The following ADAMTS5 variants were observed in gnomAD, a reference collection of about 807,000 sequenced individuals.
ADAMTS5 encodes ADAM metallopeptidase with thrombospondin type 1 motif 5, also known as A disintegrin and metalloproteinase with thrombospondin motifs 5.
A neutral mutation model predicts 81.4 loss-of-function variants in ADAMTS5; 54 were observed. The observed-to-expected ratio is 0.66, with a 90% CI of 0.53 to 0.83. The LOEUF (loss-of-function observed/expected upper bound fraction) is 0.83, where lower values mean the gene tolerates loss of function less well. ADAMTS5 is among the 40% of genes least tolerant of loss of function. The pLI is 0.00. For synonymous variants in ADAMTS5, 532 were observed against 508.8 expected (o/e 1.05, Z -0.61); for missense variants, 1,194 against 1,229.9 (o/e 0.97, Z 0.44).
At chr21:26,940,481 C>G (rs1326346413) in intron 3 of ADAMTS5, among the ~76,000 whole-genome samples, 1 of 152,144 alleles carries the variant, frequency 6.6e-6, no homozygotes, top group Non-Finnish European at 1.5e-5. Flanking sequence ...CTGTGCCTTT[C>G]ATGTTTTCAG....
chr21:26,952,424 T>C (rs928544218), intron 2 of ADAMTS5, among the ~76,000 whole-genome samples: 3 of 152,248 alleles, frequency 2.0e-5, no homozygotes, highest in Admixed American at 6.5e-5. Context: ...CTCAGACTGC[T>C]GCATCAGCCT....
chr21:26,947,402 A>T (rs1218017747), intron 2 of ADAMTS5, among the ~76,000 whole-genome samples: 1 of 152,060 alleles, frequency 6.6e-6, no homozygotes, highest in African/African-American at 2.4e-5. Flanking sequence ...TGCCTACCTC[A>T]GAACTATATT....
chr21:26,924,656 G>A, intron 7 of ADAMTS5, 36 bp from the exon 8 acceptor site: 1 of 1,518,802 alleles, frequency 6.6e-7, no homozygotes, highest in Non-Finnish European at 8.9e-7. Context: ...GTGGGGGAAG[G>A]TGGTTAAAAA....
intron 1 of ADAMTS5, among the ~76,000 whole-genome samples, chr21:26,955,378 C>G (rs1222340275): frequency 6.6e-6 from 1 of 152,138 alleles, no homozygotes; most frequent in Non-Finnish European, 1.5e-5. Flanking sequence ...ATCTTTTACT[C>G]CCCAAATGAG....
intron 3 of ADAMTS5, among the ~76,000 whole-genome samples, chr21:26,935,297 C>T (rs1986993611): frequency 6.6e-6 from 1 of 152,108 alleles, no homozygotes; most frequent in African/African-American, 2.4e-5. Flanking sequence ...TTCATTCTTA[C>T]AGTCACTCGA....
chr21:26,951,126 G>T (rs1025754352), intron 2 of ADAMTS5, among the ~76,000 whole-genome samples: 3 of 152,234 alleles, frequency 2.0e-5, no homozygotes, highest in South Asian at 4.1e-4. Context: ...GCACAAAATA[G>T]ATATGACTTT....
In ADAMTS5 at chr21:26,922,022, C is replaced by T. The variant is rs746192404; in HGVS notation, c.*2031G>A. 20 of 152,050 alleles carry T rather than the reference C, an allele frequency of 1.3e-4. No homozygotes were observed. The highest frequency in any genetic ancestry group is 3.6e-4 in the African/African-American group (15 of 41,428). The allele number at this position is 152,050 out of a possible 1,614,324, so 9.4% of individuals were successfully genotyped here. A position where few individuals can be genotyped will look rare whatever the true frequency, so the allele number is the denominator to read the frequency against. Reference sequence around the variant, plus strand: ...GAAAAAAGTAACATTAACCTCTCTCCTAATTCTCTTTGCACAGACAAATGG... The same window carrying T: ...GAAAAAAGTAACATTAACCTCTCTCTTAATTCTCTTTGCACAGACAAATGG... On this transcript the variant is annotated 3_prime_UTR_variant, in exon 8 of 8. Transcript: ENST00000284987.
rs887847091 is a variant in ADAMTS5 at position 26,954,966 on chromosome 21, A to T, written c.1105-95T>A. 17 of 1,455,038 alleles carry T rather than the reference A, an allele frequency of 1.2e-5. No individual in the cohort carries two copies. In the East Asian group the frequency reaches 3.8e-4, roughly 32 times the overall value. The allele number at this position is 1,455,038 out of a possible 1,614,324, so 90.1% of individuals were successfully genotyped here. ...TTGCTTACCCCAAATGGCAACAGGG[A>T]TATGTTTATGGTATCACCTGTTCCT... On this transcript the variant is annotated intron_variant, in intron 1 of 7. Coordinates refer to ENST00000284987, the MANE Select transcript of ADAMTS5 (RefSeq NM_007038.5).
In ADAMTS5 at chr21:26,965,909, C is replaced by A. The variant is rs1987646717; in HGVS notation, c.483G>T (p.Ala161=). 1.2e-6 allele frequency: 2 copies of A among 1,613,886 alleles called. No individual in the cohort carries two copies. Among genetic ancestry groups the A allele is most frequent in the Non-Finnish European group, 1.7e-6 (2 of 1,179,952 alleles). ...GCAGCAGTGGCTTTAGGGTGTAGCG[C>A]GCGTGCTTGACCGCGAAGAAGCCGT... ...GLDGFFAVKH[A]RYTLKPLLRG... The change falls in exon 1 of 8, where the codon GCG becomes GCT. Residue 161 remains alanine, a synonymous_variant. Transcript: ENST00000284987.
At chr21:26,942,339 A>G (rs1987130544) in intron 3 of ADAMTS5, among the ~76,000 whole-genome samples, 1 of 152,176 alleles carries the variant, frequency 6.6e-6, no homozygotes, top group African/African-American at 2.4e-5. Context: ...GAACTGGGAA[A>G]AAGACGGTTG....
At chr21:26,938,410 C>G (rs531084303) in intron 3 of ADAMTS5, among the ~76,000 whole-genome samples, 1 of 152,248 alleles carries the variant, frequency 6.6e-6, no homozygotes, top group African/African-American at 2.4e-5. Context: ...CAGAATTCCA[C>G]TAAAGGTGTT....
intron 7 of ADAMTS5, among the ~76,000 whole-genome samples, chr21:26,926,795 G>A (rs1290590622): frequency 1.3e-5 from 2 of 152,048 alleles, no homozygotes; most frequent in East Asian, 1.9e-4. Context: ...TTAAATTCTG[G>A]TTATGTGCAG....
At chr21:26,942,289 A>G (rs893625100) in intron 3 of ADAMTS5, among the ~76,000 whole-genome samples, 1 of 152,164 alleles carries the variant, frequency 6.6e-6, no homozygotes, top group Non-Finnish European at 1.5e-5. Context: ...AACAGTCAAC[A>G]TACTAAAAAA....
In ADAMTS5 at chr21:26,966,075, C is replaced by A; in HGVS notation, c.317G>T (p.Gly106Val). The change falls in exon 1 of 8, where the codon GGT becomes GTT. Residue 106 changes from glycine (G) to valine (V), a missense_variant. By Grantham distance (109) the Gly-to-Val change is moderately radical. This residue lies in a region of ADAMTS5 where 498 missense variants were observed against 412.3 expected (regional missense o/e 1.21). Coordinates refer to ENST00000284987, the MANE Select transcript of ADAMTS5 (RefSeq NM_007038.5). ...RRFLLDLERD[G>V]SVGIAGFVPA... ...CACGAAGCCAGCAATGCCCACCGAA[C>A]CATCTCGCTCCAGGTCCAAGAGGAA... The A allele has an allele frequency of 6.2e-7, 1 of 1,613,062 alleles. No homozygotes were observed. The highest frequency in any genetic ancestry group is 1.1e-5 in the South Asian group (1 of 91,080).
intron 3 of ADAMTS5, among the ~76,000 whole-genome samples, chr21:26,938,338 A>T (rs922264593): frequency 6.6e-6 from 1 of 152,228 alleles, no homozygotes; most frequent in Non-Finnish European, 1.5e-5. Context: ...GCTTAAAATA[A>T]GGCAAAAAAA....
Position 26,920,986 on chromosome 21 carries a change from A to G in ADAMTS5, c.*3067T>C, listed in dbSNP as rs1416649410. On this transcript the variant is annotated 3_prime_UTR_variant, in exon 8 of 8. Transcript: ENST00000284987. ...AGTGCTGTATATTATGTAAACTCAC[A>G]AAGTGTAAAAGTGTACTTTATACAC... The G allele has an allele frequency of 2.6e-5, 4 of 152,578 alleles. No homozygotes were observed. Among genetic ancestry groups the G allele is most frequent in the Non-Finnish European group, 5.9e-5 (4 of 67,992 alleles). The allele number at this position is 152,578 out of a possible 1,614,324, so 9.5% of individuals were successfully genotyped here.
At chr21:26,928,732 C>G (rs753358734) in intron 7 of ADAMTS5, among the ~76,000 whole-genome samples, 1 of 145,918 alleles carries the variant, frequency 6.9e-6, no homozygotes, top group Non-Finnish European at 1.5e-5. Flanking sequence ...TCTTCTATCT[C>G]TCTTTCTTCT....
intron 3 of ADAMTS5, among the ~76,000 whole-genome samples, chr21:26,935,678 G>A (rs528388018): frequency 2.4e-4 from 37 of 152,142 alleles, no homozygotes; most frequent in African/African-American, 7.0e-4. Flanking sequence ...ACAAAAGCTG[G>A]AACATGGACG....
At position 26,965,437 on chromosome 21, in the gene ADAMTS5, C is replaced by T; in HGVS notation, c.955G>A (p.Val319Met). The stretch of plus-strand genomic sequence containing the variant: ...CTCTTGTCCTTGTCGCCTAGCACCA[C>T]CACCTTCACCACGGCCAGGCGGATG... ...NHIRLAVVKV[V>M]VLGDKDKSLE... The change falls in exon 1 of 8, where the codon GTG (valine) becomes ATG (methionine). Residue 319 changes from valine (V) to methionine (M), a missense_variant. By Grantham distance (21) the Val-to-Met change is conservative. Coordinates refer to ENST00000284987, the MANE Select transcript of ADAMTS5 (RefSeq NM_007038.5). The T allele has an allele frequency of 1.9e-6, 3 of 1,614,252 alleles. No individual in the cohort carries two copies. In the South Asian group the frequency reaches 3.3e-5, roughly 18 times the overall value.
Sources: gnomAD v4.1 joint callset for allele counts (sites outside exome capture counted in the v4.1 genomes callset) on GRCh38, gnomAD v4.1.1 for gene constraint, gnomAD v4.1.1 regional missense constraint, MANE v1.5 for transcripts, NCBI Gene and HGNC (gene_info 2026-07-23, HGNC 2026-07-21) for gene names.